CCDC88A: variants seen among roughly 807,000 people sequenced by gnomAD.
CCDC88A encodes the protein girdin.
CCDC88A carries 54 observed loss-of-function variants against 234.3 expected under a neutral mutation model. The observed-to-expected ratio is 0.23, with a 90% confidence interval of 0.19 to 0.29. The LOEUF is 0.29. CCDC88A is among the 10% of genes least tolerant of loss of function. The pLI, the probability that CCDC88A is intolerant of heterozygous loss-of-function variation, is 1.00. For missense variants in CCDC88A, 1,832 were observed against 2,123.4 expected, an observed-to-expected ratio of 0.86 and a Z score of 2.70; for synonymous variants, 753 against 737.8, an observed-to-expected ratio of 1.02 and a Z score of -0.33.
intron 13 of CCDC88A, chr2:55,337,042 A>C (rs1029851624): frequency 2.0e-5 from 7 of 356,882 alleles, no homozygotes; most frequent in African/African-American, 1.5e-4. Flanking sequence ...TTTTGGGGTA[A>C]ATTTCACTTT....
At chr2:55,374,571 A>G (rs1199526299) in intron 4 of CCDC88A, among the ~76,000 whole-genome samples, 1 of 152,190 alleles carries the variant, frequency 6.6e-6, no homozygotes, top group Admixed American at 6.5e-5. Context: ...AAATCATCAC[A>G]AAAGTATCTG....
chr2:55,397,374 C>G (rs1237414864), intron 2 of CCDC88A: 3 of 152,088 alleles, frequency 2.0e-5, no homozygotes. Flanking sequence ...GGACAACAAG[C>G]GTAAGCCACC....
intron 8 of CCDC88A, among the ~76,000 whole-genome samples, chr2:55,353,380 A>G (rs951719396): frequency 1.3e-5 from 2 of 152,158 alleles, no homozygotes; most frequent in African/African-American, 4.8e-5. Flanking sequence ...AATAACAGCA[A>G]TCTCTTCCCT....
chr2:55,355,431 G>A (rs1670439584), intron 8 of CCDC88A, 148 bp downstream of exon 8: 4 of 670,136 alleles, frequency 6.0e-6, no homozygotes, highest in African/African-American at 1.9e-5. Context: ...TTAACAATAG[G>A]AAAACCTTAT....
chr2:55,306,759 A>G (rs1681623783), intron 25 of CCDC88A, among the ~76,000 whole-genome samples: 1 of 152,078 alleles, frequency 6.6e-6, no homozygotes, highest in Admixed American at 6.6e-5. Flanking sequence ...GATTTTTAGT[A>G]GACACGAAGT....
chr2:55,305,757 A>T (rs970793846), intron 25 of CCDC88A, among the ~76,000 whole-genome samples: 24 of 152,246 alleles, frequency 1.6e-4, no homozygotes, highest in African/African-American at 5.8e-4. Flanking sequence ...TGGGAGGATG[A>T]CGCTGAAGCA....
intron 17 of CCDC88A, chr2:55,323,305 G>A (rs974771811): frequency 1.7e-4 from 26 of 152,108 alleles, no homozygotes; most frequent in African/African-American, 6.0e-4. Context: ...TTTACCCTAG[G>A]AGATTCTTAT....
At chr2:55,299,260 A>C (rs1680596075) in intron 29 of CCDC88A, among the ~76,000 whole-genome samples, 1 of 152,210 alleles carries the variant, frequency 6.6e-6, no homozygotes, top group African/African-American at 2.4e-5. Flanking sequence ...CTTTAAGAAA[A>C]AGGTATCAGT....
Position 55,367,528 on chromosome 2 carries a change from G to GTTTTTTTTTTTGTTTGTTT in CCDC88A, c.403-3496_403-3495insAAACAAACAAAAAAAAAAA. On this transcript the variant is annotated intron_variant, in intron 5 of 32. Coordinates refer to ENST00000436346, the MANE Select transcript of CCDC88A (RefSeq NM_001365480.1). ...TTGCTAGAAATTGTTTTATTTCCTT[G>GTTTTTTTTTTTGTTTGTTT]TTTTTTTTTAAGAGACTGGGTCTTG... Among the ~76,000 whole-genome samples, 3 of 99,890 alleles carry GTTTTTTTTTTTGTTTGTTT rather than the reference G, an allele frequency of 3.0e-5. 1 individual carries two copies. The highest frequency in any genetic ancestry group is 5.9e-5 in the Non-Finnish European group (3 of 51,146). 65.5% of individuals were successfully genotyped at this position (99,890 alleles called of 152,430 possible).
intron 3 of CCDC88A, among the ~76,000 whole-genome samples, chr2:55,381,655 C>G (rs1674630480): frequency 6.6e-6 from 1 of 151,276 alleles, no homozygotes; most frequent in South Asian, 2.1e-4. Flanking sequence ...AGAAAGACTA[C>G]TTCACAAATA....
chr2:55,342,702 T>G (rs1194383964), intron 12 of CCDC88A, among the ~76,000 whole-genome samples: 1 of 152,150 alleles, frequency 6.6e-6, no homozygotes, highest in Non-Finnish European at 1.5e-5. Context: ...GAATTAGGTT[T>G]TCAAGTATAA....
chr2:55,366,562 C>G (rs958875580), intron 5 of CCDC88A, among the ~76,000 whole-genome samples: 1 of 151,200 alleles, frequency 6.6e-6, no homozygotes. Flanking sequence ...CACACACACA[C>G]ACACACACAC....
At chr2:55,402,246 CTTAACATTTTAG>C (rs1431332459) in intron 2 of CCDC88A, among the ~76,000 whole-genome samples, 2 of 152,028 alleles carry the variant, frequency 1.3e-5, no homozygotes, top group Admixed American at 6.5e-5. Flanking sequence ...CTTTTCAAAA[CTTAACATTTTAG>C]TGGGAAATAA....
At chr2:55,417,307 A>G (rs980380098) in intron 2 of CCDC88A, 3 of 152,084 alleles carry the variant, frequency 2.0e-5, no homozygotes, top group African/African-American at 7.2e-5. Context: ...ACACAAATTC[A>G]AAATCTTCCG....
chr2:55,390,125 G>GCTAAAAAAAC (rs1676407974), intron 2 of CCDC88A, among the ~76,000 whole-genome samples: 1 of 148,144 alleles, frequency 6.8e-6, no homozygotes, highest in African/African-American at 2.5e-5. Context: ...CCCACTACAG[G>GCTAAAAAAAC]CTAACAAAAA....
chr2:55,353,974 A>T (rs1250935627), intron 8 of CCDC88A, among the ~76,000 whole-genome samples: 1 of 152,204 alleles, frequency 6.6e-6, no homozygotes, highest in Non-Finnish European at 1.5e-5. Context: ...AGCCTACTAT[A>T]TACCTAGGCT....
chr2:55,411,342 G>A (rs1156631302), intron 2 of CCDC88A, among the ~76,000 whole-genome samples: 2 of 151,880 alleles, frequency 1.3e-5, no homozygotes, highest in Non-Finnish European at 2.9e-5. Context: ...ATACTCTCAG[G>A]TATAACAACT....
At chr2:55,306,614 CTCGCCCTG>C in intron 25 of CCDC88A, among the ~76,000 whole-genome samples, 1 of 152,162 alleles carries the variant, frequency 6.6e-6, no homozygotes, top group South Asian at 2.1e-4. Flanking sequence ...GAGACAAAGT[CTCGCCCTG>C]TCACCTAGGC....
chr2:55,364,855 A>G (rs1671755151), intron 5 of CCDC88A, among the ~76,000 whole-genome samples: 1 of 152,124 alleles, frequency 6.6e-6, no homozygotes, highest in Admixed American at 6.5e-5. Context: ...GTATCACTGT[A>G]TTCTTACAGC....
Sources: gnomAD v4.1 joint callset for allele counts (sites outside exome capture counted in the v4.1 genomes callset) on GRCh38, gnomAD v4.1.1 for gene constraint, MANE v1.5 for transcripts, NCBI Gene and HGNC (gene_info 2026-07-23, HGNC 2026-07-21) for gene names.